Variants in FGF18 observed in about 807,000 individuals in gnomAD.
The protein encoded by FGF18 is fibroblast growth factor 18.
In FGF18, 5 loss-of-function variants were observed where a neutral mutation model predicts 23.0. The ratio of observed to expected loss-of-function variants is 0.22; its 90% CI spans 0.11 to 0.46. The LOEUF (loss-of-function observed/expected upper bound fraction) is 0.46, where lower values mean the gene tolerates loss of function less well. Among genes scored for constraint, FGF18 ranks in the 20% least tolerant of loss-of-function variants. FGF18 has a pLI of 0.99. For missense variants in FGF18, 180 were observed against 291.6 expected, an observed-to-expected ratio of 0.62 and a Z score of 2.79; for synonymous variants, 117 against 118.9, an observed-to-expected ratio of 0.98 and a Z score of 0.10.
At chr5:171,453,541 G>A (rs1010492039) in intron 4 of FGF18, among the ~76,000 whole-genome samples, 4 of 152,178 alleles carry the variant, frequency 2.6e-5, no homozygotes, top group African/African-American at 7.2e-5. Context: ...GAACTGGGCA[G>A]AGGAGAAGTG....
At chr5:171,439,566 A>G (rs184278824) in intron 3 of FGF18, among the ~76,000 whole-genome samples, 16 of 152,332 alleles carry the variant, frequency 1.1e-4, no homozygotes, top group Non-Finnish European at 2.4e-4. Flanking sequence ...GAAGCAGGAC[A>G]CTGAGTTCCA....
At chr5:171,445,838 G>A (rs139576246) in intron 3 of FGF18, among the ~76,000 whole-genome samples, 11 of 152,224 alleles carry the variant, frequency 7.2e-5, no homozygotes, top group Admixed American at 1.3e-4. Context: ...CAACTCCTCC[G>A]CCTGGCCTGG....
At chr5:171,439,752 A>AG (rs1285732479) in intron 3 of FGF18, among the ~76,000 whole-genome samples, 4 of 152,100 alleles carry the variant, frequency 2.6e-5, no homozygotes, top group Non-Finnish European at 2.9e-5. Flanking sequence ...TCAGAAGGAG[A>AG]GGGGGCCAGC....
At chr5:171,437,988 C>T (rs1328158606) in intron 3 of FGF18, among the ~76,000 whole-genome samples, 1 of 152,204 alleles carries the variant, frequency 6.6e-6, no homozygotes, top group Non-Finnish European at 1.5e-5. Flanking sequence ...ACTGGGAACT[C>T]AGGGAATCTT....
chr5:171,420,317 G>T, intron 1 of FGF18, 86 bp downstream of exon 1: 1 of 1,606,954 alleles, frequency 6.2e-7, no homozygotes, highest in South Asian at 1.1e-5. Flanking sequence ...CCCGCCCGTC[G>T]GTTCACCTGA....
At chr5:171,438,075 C>T (rs956047268) in intron 3 of FGF18, among the ~76,000 whole-genome samples, 7 of 151,676 alleles carry the variant, frequency 4.6e-5, no homozygotes, top group Non-Finnish European at 8.8e-5. Context: ...GTTGGGCTAA[C>T]GCAGTGCTTC....
At chr5:171,424,443 G>GTAA (rs1229185565) in intron 2 of FGF18, among the ~76,000 whole-genome samples, 1 of 152,252 alleles carries the variant, frequency 6.6e-6, no homozygotes, top group Non-Finnish European at 1.5e-5. Context: ...CCAAGAGAGG[G>GTAA]TAATAATTCT....
chr5:171,443,501 A>ATTTTTTTTTTTTTTTTT (rs59576538), intron 3 of FGF18, among the ~76,000 whole-genome samples: 1 of 63,776 alleles, frequency 1.6e-5, no homozygotes, highest in Admixed American at 2.8e-4. Context: ...TGTTATCATC[A>ATTTTTTTTTTTTTTTTT]TTTTTTTTTT....
chr5:171,435,484 G>A (rs947444453), intron 2 of FGF18, among the ~76,000 whole-genome samples: 3 of 152,168 alleles, frequency 2.0e-5, no homozygotes, highest in African/African-American at 7.2e-5. Flanking sequence ...TTCTCCTAGA[G>A]GAGCTCAGGA....
chr5:171,449,283 T>G, intron 4 of FGF18, 30 bp downstream of exon 4: 1 of 1,536,712 alleles, frequency 6.5e-7, no homozygotes, highest in Non-Finnish European at 9.0e-7. Flanking sequence ...TCCCGGGAAC[T>G]TCGGGTTCCC....
intron 2 of FGF18, among the ~76,000 whole-genome samples, chr5:171,421,432 T>G (rs1223465923): frequency 6.6e-6 from 1 of 151,970 alleles, no homozygotes; most frequent in Non-Finnish European, 1.5e-5. Context: ...TGGACACAGG[T>G]CAAAAGAGGG....
chr5:171,437,045 G>A (rs180952598), intron 3 of FGF18, among the ~76,000 whole-genome samples: 109 of 152,292 alleles, frequency 7.2e-4, no homozygotes, highest in Admixed American at 6.7e-3. Context: ...AGACTGCTGC[G>A]AGGCCTCCTG....
intron 3 of FGF18, among the ~76,000 whole-genome samples, chr5:171,446,597 C>G (rs1335259284): frequency 1.3e-5 from 2 of 152,168 alleles, no homozygotes; most frequent in Non-Finnish European, 2.9e-5. Context: ...GAGGGAGTCT[C>G]TCCCTTGGGC....
chr5:171,448,697 G>C lies in FGF18; in HGVS notation c.251-450G>C, dbSNP rs76737575. 4.7e-3 allele frequency among the ~76,000 whole-genome samples: 719 copies of C among 152,242 alleles called. 2 individuals carry two copies. Among genetic ancestry groups the C allele is most frequent in the Non-Finnish European group, 8.6e-3 (583 of 68,010 alleles). On this transcript the variant is annotated intron_variant, in intron 3 of 4. Transcript: ENST00000274625. Reference sequence around the variant, plus strand: ...GCATGGCCGCCTGTCCTGCTTGGGAGAATGGCCTTTTTGTATGGCCGTCTG... The same window carrying C: ...GCATGGCCGCCTGTCCTGCTTGGGACAATGGCCTTTTTGTATGGCCGTCTG...
rs1256847549 is a variant in FGF18, at chr5:171,440,499, C to T, written c.250+4226C>T. On this transcript the variant is annotated intron_variant, in intron 3 of 4. Coordinates refer to ENST00000274625, the MANE Select transcript of FGF18 (RefSeq NM_003862.3). The surrounding 1 kb of genome is among the most constrained non-coding windows in gnomAD (Gnocchi z 4.0). ...CAACGTAAATTACCAAGCCCAAGCACCAGGGGAGGGGGCTACTGTGGTGAG... is the reference window on the plus strand; with the variant it reads ...CAACGTAAATTACCAAGCCCAAGCATCAGGGGAGGGGGCTACTGTGGTGAG... Among the ~76,000 whole-genome samples, 1 of 152,090 alleles carries T rather than the reference C, an allele frequency of 6.6e-6. No individual in the cohort carries two copies. Among genetic ancestry groups the T allele is most frequent in the East Asian group, 1.9e-4 (1 of 5,192 alleles).
rs1472424521 is a variant in FGF18 at position 171,449,362 on chromosome 5, T to C, written c.357+109T>C. On this transcript the variant is annotated intron_variant, in intron 4 of 4. Coordinates refer to ENST00000274625, the MANE Select transcript of FGF18 (RefSeq NM_003862.3). ...TCAGTCCCAAATGGAAAACAGGCCG[T>C]GTGTGTGTGTGTGTGTGTGTGTGTG... 41 of 374,060 alleles carry C rather than the reference T, an allele frequency of 1.1e-4. 1 individual carries two copies. Among genetic ancestry groups the C allele is most frequent in the South Asian group, 9.4e-4 (38 of 40,484 alleles). The allele number at this position is 374,060 out of a possible 1,614,324, so 23.2% of individuals were successfully genotyped here. A position where few individuals can be genotyped will look rare whatever the true frequency, so the allele number is the denominator to read the frequency against.
At chr5:171,447,573 T>C (rs1772436711) in intron 3 of FGF18, among the ~76,000 whole-genome samples, 1 of 152,226 alleles carries the variant, frequency 6.6e-6, no homozygotes. Flanking sequence ...ATGTAAATTC[T>C]TCTTTTTTTC....
intron 2 of FGF18, among the ~76,000 whole-genome samples, chr5:171,426,735 G>A (rs567098008): frequency 5.9e-5 from 9 of 152,298 alleles, no homozygotes; most frequent in Admixed American, 2.6e-4. Flanking sequence ...TGATTTACCC[G>A]CCTGGGTATC....
chr5:171,424,964 C>T (rs1581269503), intron 2 of FGF18, among the ~76,000 whole-genome samples: 1 of 152,170 alleles, frequency 6.6e-6, no homozygotes, highest in Non-Finnish European at 1.5e-5. Flanking sequence ...GTGGTTGGCA[C>T]GGCCAGTGTC....
Sources: gnomAD v4.1 joint callset for allele counts (sites outside exome capture counted in the v4.1 genomes callset) on GRCh38, gnomAD v4.1.1 for gene constraint, Gnocchi (gnomAD v3.1) non-coding constraint, MANE v1.5 for transcripts, NCBI Gene and HGNC (gene_info 2026-07-23, HGNC 2026-07-21) for gene names.